The following ARHGEF18 variants were observed in gnomAD, a reference collection of about 807,000 sequenced individuals.
ARHGEF18 encodes rho guanine nucleotide exchange factor 18.
A neutral mutation model predicts 155.7 loss-of-function variants in ARHGEF18; 93 were observed. That is an observed-to-expected ratio of 0.60 (90% CI 0.50 to 0.71). ARHGEF18 has a LOEUF of 0.71. ARHGEF18 is among the 30% of genes least tolerant of loss of function. The probability of loss-of-function intolerance (pLI) is 0.00; values close to 1 mark genes in which losing one functional copy is unlikely to be tolerated. For synonymous variants in ARHGEF18, 742 were observed against 753.1 expected (o/e 0.99, Z 0.24); for missense variants, 1,593 against 1,816.1 (o/e 0.88, Z 2.23).
intron 10 of ARHGEF18, 60 bp downstream of exon 10, chr19:7,383,263 CT>C (rs1970832881): frequency 1.6e-6 from 2 of 1,230,876 alleles, no homozygotes; most frequent in Admixed American, 8.4e-5. Flanking sequence ...TCTTCACGTC[CT>C]TTCAATCATA....
At chr19:7,386,603 C>G (rs550183325) in intron 10 of ARHGEF18, among the ~76,000 whole-genome samples, 1 of 152,024 alleles carries the variant, frequency 6.6e-6, no homozygotes, top group South Asian at 2.1e-4. Flanking sequence ...TATTCCAGGT[C>G]GTAGGTGGAA....
intron 1 of ARHGEF18, chr19:7,355,673 C>G: frequency 1.0e-6 from 1 of 985,496 alleles, no homozygotes; most frequent in East Asian, 1.1e-4. Context: ...CTTCTCCAAG[C>G]TGTGGCTGAA....
At chr19:7,465,828 G>A (rs756193119) in intron 23 of ARHGEF18, among the ~76,000 whole-genome samples, 12 of 152,206 alleles carry the variant, frequency 7.9e-5, no homozygotes, top group Non-Finnish European at 1.5e-4. Context: ...GCTCATGCCT[G>A]TAATCCCAGC....
Position 7,467,493 on chromosome 19 carries a change from C to G in ARHGEF18, c.3289C>G (p.Gln1097Glu). The G allele has an allele frequency of 7.0e-7, 1 of 1,438,806 alleles. No individual in the cohort carries two copies. 89.1% of individuals were successfully genotyped at this position (1,438,806 alleles called of 1,614,324 possible). A position where few individuals can be genotyped will look rare whatever the true frequency, so the allele number is the denominator to read the frequency against. The part of the protein sequence containing the change: ...RLQEREGEAR[Q>E]LRERLEQERA... ...GCAGGAGCGCGAGGGCGAGGCGCGG[C>G]AGCTACGCGAGCGGCTGGAGCAGGA... is the stretch of plus-strand genomic sequence containing the variant. The change falls in exon 26 of 29, where the codon CAG (glutamine) becomes GAG (glutamate). Residue 1097 changes from glutamine to glutamate, a missense_variant. Gln to Glu is a conservative substitution (Grantham distance 29, BLOSUM62 2). Coordinates refer to ENST00000668164, the MANE Select transcript of ARHGEF18 (RefSeq NM_001367823.1).
intron 10 of ARHGEF18, among the ~76,000 whole-genome samples, chr19:7,419,725 G>A (rs1973239430): frequency 6.6e-6 from 1 of 152,102 alleles, no homozygotes; most frequent in Non-Finnish European, 1.5e-5. Context: ...TGCGTAGGGT[G>A]TGTTGCAGTC....
At chr19:7,350,967 C>G (rs143227343) in intron 1 of ARHGEF18, among the ~76,000 whole-genome samples, 5,279 of 152,164 alleles carry the variant, frequency 0.035, 175 homozygotes, top group East Asian at 0.11. Context: ...CCATGCCCAG[C>G]TAATTTTTGT....
In ARHGEF18 at chr19:7,378,449, C is replaced by T. The variant is rs764306889; in HGVS notation, c.597C>T (p.His199=). ...AAAAAGACCATGTGGAACCAGATCACGTGTGAGTTTCTGCCTCGTGGTGGG... is the reference window on the plus strand; with the variant it reads ...AAAAAGACCATGTGGAACCAGATCATGTGTGAGTTTCTGCCTCGTGGTGGG... The part of the protein sequence containing the change: ...CMEKDHVEPD[H]VLIVQQVLQE... The change falls in exon 6 of 29, where the codon CAC becomes CAT. Residue 199 remains histidine (H), a splice_region_variant and synonymous_variant. Coordinates refer to ENST00000668164, the MANE Select transcript of ARHGEF18 (RefSeq NM_001367823.1). 5 of 1,234,338 alleles carry T rather than the reference C, an allele frequency of 4.1e-6. No homozygotes were observed. The highest frequency in any genetic ancestry group is 3.0e-6 in the Non-Finnish European group (3 of 988,216). 76.5% of individuals were successfully genotyped at this position (1,234,338 alleles called of 1,614,324 possible).
At chr19:7,400,918 G>C (rs1971994232) in intron 10 of ARHGEF18, among the ~76,000 whole-genome samples, 3 of 152,116 alleles carry the variant, frequency 2.0e-5, no homozygotes, top group African/African-American at 7.2e-5. Flanking sequence ...AGGAGGGGAG[G>C]ACCATGTCAG....
At chr19:7,424,168 A>G in intron 10 of ARHGEF18, among the ~76,000 whole-genome samples, 1 of 151,888 alleles carries the variant, frequency 6.6e-6, no homozygotes, top group African/African-American at 2.4e-5. Flanking sequence ...CTGGGATTAC[A>G]GGCGCCCACC....
At chr19:7,405,452 C>T (rs1972254754) in intron 10 of ARHGEF18, among the ~76,000 whole-genome samples, 1 of 152,164 alleles carries the variant, frequency 6.6e-6, no homozygotes, top group Non-Finnish European at 1.5e-5. Flanking sequence ...ATCGAAATTT[C>T]ATCCCGAGAT....
intron 10 of ARHGEF18, among the ~76,000 whole-genome samples, chr19:7,400,159 G>A (rs1435576661): frequency 6.6e-6 from 1 of 152,098 alleles, no homozygotes; most frequent in Non-Finnish European, 1.5e-5. Flanking sequence ...GTGGATGGTG[G>A]ATGGTTACAT....
chr19:7,474,783 G>C (rs1359291171), downstream of ARHGEF18, among the ~76,000 whole-genome samples: 1 of 151,616 alleles, frequency 6.6e-6, no homozygotes, highest in Non-Finnish European at 1.5e-5. Flanking sequence ...GTGTGTGTGT[G>C]TCTCCCCCCA....
At chr19:7,385,531 A>G (rs1028020682) in intron 10 of ARHGEF18, among the ~76,000 whole-genome samples, 3 of 150,648 alleles carry the variant, frequency 2.0e-5, no homozygotes, top group African/African-American at 7.3e-5. Context: ...GCTGGAGTGC[A>G]GTGGCACGAT....
At chr19:7,466,244 G>A (rs552207653) in intron 23 of ARHGEF18, among the ~76,000 whole-genome samples, 3 of 152,088 alleles carry the variant, frequency 2.0e-5, no homozygotes, top group Non-Finnish European at 2.9e-5. Context: ...TTAGCCAGGC[G>A]TGGTGGCACA....
rs2145845990 is a variant in ARHGEF18, at chr19:7,453,664, C to T, written c.2053C>T (p.Leu685Phe). Residue 685 changes from leucine (L) to phenylalanine (F), a missense_variant, in exon 17 of 29, where the codon CTC (leucine) becomes TTC (phenylalanine). Coordinates refer to ENST00000668164, the MANE Select transcript of ARHGEF18 (RefSeq NM_001367823.1). ...FRKEDMLQRQLHLEGMLCWKT... is the reference protein window; with the variant it reads ...FRKEDMLQRQFHLEGMLCWKT... ...CAAGGAAGACATGCTTCAGCGGCAGCTCCACCTGGAGGGCATGCTATGCTG... is the reference window on the plus strand; with the variant it reads ...CAAGGAAGACATGCTTCAGCGGCAGTTCCACCTGGAGGGCATGCTATGCTG... 1 of 1,605,438 alleles carries T rather than the reference C, an allele frequency of 6.2e-7. No homozygotes were observed. The highest frequency in any genetic ancestry group is 2.2e-5 in the East Asian group (1 of 44,702).
intron 10 of ARHGEF18, among the ~76,000 whole-genome samples, chr19:7,432,665 T>C (rs1221320837): frequency 6.6e-6 from 1 of 152,190 alleles, no homozygotes; most frequent in Admixed American, 6.6e-5. Flanking sequence ...AATAGTCCTT[T>C]GCAGAAAACT....
intron 4 of ARHGEF18, among the ~76,000 whole-genome samples, chr19:7,376,088 G>A (rs932868263): frequency 6.6e-6 from 1 of 152,106 alleles, no homozygotes; most frequent in Admixed American, 6.5e-5. Flanking sequence ...AGCATCTGGG[G>A]CAGGCCATGC....
chr19:7,464,370 A>T (rs923934873), intron 22 of ARHGEF18, among the ~76,000 whole-genome samples, 190 bp from the exon 23 acceptor site: 17 of 152,072 alleles, frequency 1.1e-4, no homozygotes, highest in Non-Finnish European at 2.4e-4. Flanking sequence ...CCCTCCAGAC[A>T]TCGTTGGTTG....
downstream of ARHGEF18, chr19:7,477,469 G>A (rs1452673872): frequency 2.9e-6 from 4 of 1,380,382 alleles, no homozygotes; most frequent in Non-Finnish European, 2.8e-6. Flanking sequence ...TTACACTCAC[G>A]CTCACACCTG....
Sources: gnomAD v4.1 joint callset for allele counts (sites outside exome capture counted in the v4.1 genomes callset) on GRCh38, gnomAD v4.1.1 for gene constraint, MANE v1.5 for transcripts, NCBI Gene and HGNC (gene_info 2026-07-23, HGNC 2026-07-21) for gene names.